The following TGFBR3 variants were observed in gnomAD, a reference collection of about 807,000 sequenced individuals.
The protein encoded by TGFBR3 is transforming growth factor beta receptor 3, also known as transforming growth factor beta receptor type 3.
A neutral mutation model predicts 87.9 loss-of-function variants in TGFBR3; 46 were observed. That is an observed-to-expected ratio of 0.52 (90% CI 0.41 to 0.67). The LOEUF (loss-of-function observed/expected upper bound fraction) is 0.67, where lower values mean the gene tolerates loss of function less well. TGFBR3 is among the 30% of genes least tolerant of loss of function. The probability of loss-of-function intolerance (pLI) is 0.00; values close to 1 mark genes in which losing one functional copy is unlikely to be tolerated. For synonymous variants in TGFBR3, 381 were observed against 391.6 expected, an observed-to-expected ratio of 0.97 and a Z score of 0.32; for missense variants, 866 against 1,041.9, an observed-to-expected ratio of 0.83 and a Z score of 2.32.
intron 12 of TGFBR3, among the ~76,000 whole-genome samples, chr1:91,714,980 T>C (rs1354300762): frequency 6.6e-6 from 1 of 152,232 alleles, no homozygotes; most frequent in East Asian, 1.9e-4. Flanking sequence ...GTGAGAGTTA[T>C]GTGTCTTTCC....
chr1:91,800,228 CA>C (rs148518308), intron 2 of TGFBR3, among the ~76,000 whole-genome samples: 3,028 of 114,128 alleles, frequency 0.027, 51 homozygotes, highest in Non-Finnish European at 0.033. Flanking sequence ...CCCATCTCTA[CA>C]AAAAAAAAAA....
chr1:91,709,845 T>C (rs923699333), intron 13 of TGFBR3, among the ~76,000 whole-genome samples: 2 of 152,224 alleles, frequency 1.3e-5, no homozygotes, highest in Non-Finnish European at 2.9e-5. Flanking sequence ...CACTGCAGCC[T>C]TGGCCTCATG....
intron 2 of TGFBR3, among the ~76,000 whole-genome samples, chr1:91,841,531 A>G (rs1462967743): frequency 6.6e-6 from 1 of 152,150 alleles, no homozygotes; most frequent in African/African-American, 2.4e-5. Context: ...GCAGTGGCTT[A>G]CACCTGTAAT....
At chr1:91,770,587 G>A (rs896926327) in intron 3 of TGFBR3, among the ~76,000 whole-genome samples, 3 of 152,002 alleles carry the variant, frequency 2.0e-5, no homozygotes, top group Admixed American at 2.0e-4. Context: ...GAATATATAG[G>A]AACTTGTTCT....
chr1:91,685,218 G>T (rs1557655473), intron 16 of TGFBR3, among the ~76,000 whole-genome samples: 1 of 152,000 alleles, frequency 6.6e-6, no homozygotes, highest in Non-Finnish European at 1.5e-5. Flanking sequence ...TGTAAGTTTG[G>T]CCCTTGTTGT....
At chr1:91,755,868 T>G (rs7529421) in intron 4 of TGFBR3, among the ~76,000 whole-genome samples, 24,561 of 152,076 alleles carry the variant, frequency 0.16, 2,109 homozygotes, top group East Asian at 0.25. Context: ...CCTTTTGATC[T>G]GGGGCCAGCC....
Position 91,695,678 on chromosome 1 carries a change from G to A in TGFBR3, c.2431C>T (p.His811Tyr), listed in dbSNP as rs781565336. 6.2e-6 allele frequency: 10 copies of A among 1,613,684 alleles called. No individual in the cohort carries two copies. The Admixed American group carries it at 1.5e-4, about 24-fold the overall frequency. Residue 811 changes from histidine (H) to tyrosine (Y), a missense_variant, in exon 16 of 17, where the codon CAC becomes TAC. By Grantham distance (83) the His-to-Tyr change is moderately conservative. Transcript: ENST00000212355. ...LTGALWYIYSHTGETAGRQQV... is the reference protein window; with the variant it reads ...LTGALWYIYSYTGETAGRQQV... ...ACTCAACAGTCACACTAACCTGTGT[G>A]AGAATAGATGTACCACAAGGCCCCC...
chr1:91,857,862 C>A (rs971826054), intron 2 of TGFBR3, among the ~76,000 whole-genome samples: 1 of 152,208 alleles, frequency 6.6e-6, no homozygotes, highest in African/African-American at 2.4e-5. Flanking sequence ...TTGTACTCAG[C>A]AGGGATCAGT....
intron 16 of TGFBR3, among the ~76,000 whole-genome samples, chr1:91,688,988 G>T (rs1218562311): frequency 1.3e-5 from 2 of 152,076 alleles, no homozygotes; most frequent in Non-Finnish European, 2.9e-5. Context: ...AAGAAGGCAG[G>T]CTCCACTCTC....
intron 1 of TGFBR3, among the ~76,000 whole-genome samples, chr1:91,883,807 C>T (rs1172733750): frequency 2.0e-5 from 3 of 147,438 alleles, no homozygotes; most frequent in Admixed American, 2.0e-4. Flanking sequence ...AGCCTTGAAA[C>T]ACTAAACAAT....
intron 14 of TGFBR3, among the ~76,000 whole-genome samples, chr1:91,703,263 A>G (rs1341454249): frequency 6.6e-6 from 1 of 152,072 alleles, no homozygotes; most frequent in African/African-American, 2.4e-5. Flanking sequence ...AATGTGTTCC[A>G]AAAAGTAATG....
At chr1:91,892,355 T>C (rs1679468989) in intron 2 of TGFBR3, among the ~76,000 whole-genome samples, 1 of 152,150 alleles carries the variant, frequency 6.6e-6, no homozygotes. Flanking sequence ...TGCAGAGAAC[T>C]AGCCCCACCT....
chr1:91,735,006 C>T, intron 4 of TGFBR3, 47 bp from the exon 5 acceptor site: 1 of 1,604,350 alleles, frequency 6.2e-7, no homozygotes, highest in Non-Finnish European at 8.5e-7. Flanking sequence ...GTCACCGGAG[C>T]TGAATCATAA....
intron 4 of TGFBR3, among the ~76,000 whole-genome samples, chr1:91,735,696 C>T (rs1441134565): frequency 6.6e-6 from 1 of 152,194 alleles, no homozygotes; most frequent in Non-Finnish European, 1.5e-5. Flanking sequence ...CACTGCTGAC[C>T]TAGCATATCA....
At chr1:91,727,512 G>T (rs1041544497) in intron 7 of TGFBR3, 147 bp downstream of exon 7, 1 of 987,280 alleles carries the variant, frequency 1.0e-6, no homozygotes, top group Admixed American at 2.2e-5. Flanking sequence ...TATTTTATAG[G>T]AGCATGCTAT....
chr1:91,685,315 CTTTTTT>C (rs71585124), intron 16 of TGFBR3, among the ~76,000 whole-genome samples: 1 of 100,666 alleles, frequency 9.9e-6, no homozygotes, highest in African/African-American at 4.1e-5. Flanking sequence ...GAAGCACTGC[CTTTTTT>C]TTTTTTTTTT....
intron 2 of TGFBR3, among the ~76,000 whole-genome samples, chr1:91,842,220 A>G (rs1677315523): frequency 6.6e-6 from 1 of 152,218 alleles, no homozygotes; most frequent in Non-Finnish European, 1.5e-5. Context: ...TAATAAACAT[A>G]AGTAAATTAC....
chr1:91,804,951 C>T (rs1397978159), intron 2 of TGFBR3, among the ~76,000 whole-genome samples: 1 of 152,206 alleles, frequency 6.6e-6, no homozygotes, highest in Non-Finnish European at 1.5e-5. Context: ...AAGGATCAAC[C>T]AGGGCGTGGA....
At chr1:91,887,282 G>A (rs1003906870), upstream of TGFBR3, among the ~76,000 whole-genome samples, 2 of 108,718 alleles carry the variant, frequency 1.8e-5, no homozygotes, top group African/African-American at 7.2e-5. Flanking sequence ...GTCTCGCCCT[G>A]TCGCCCAGGC....
Sources: allele counts gnomAD v4.1 joint callset (sites outside exome capture counted in the v4.1 genomes callset), GRCh38; gene constraint gnomAD v4.1.1; transcripts MANE v1.5; gene names NCBI Gene and HGNC (gene_info 2026-07-23, HGNC 2026-07-21).